The following CNBD1 variants were observed in gnomAD, a reference collection of about 807,000 sequenced individuals.
CNBD1 encodes the protein cyclic nucleotide-binding domain-containing protein 1.
Under a neutral mutation model 54.4 loss-of-function variants are expected in CNBD1, and 71 were observed. The ratio of observed to expected loss-of-function variants is 1.30; its 90% confidence interval spans 1.08 to 1.59. The LOEUF (loss-of-function observed/expected upper bound fraction) is 1.59. Among genes scored for constraint, CNBD1 ranks in the 40% most tolerant of loss-of-function variants. The pLI is 0.00. For synonymous variants in CNBD1, 182 were observed against 170.7 expected, an observed-to-expected ratio of 1.07 and a Z score of -0.51; for missense variants, 659 against 518.0, an observed-to-expected ratio of 1.27 and a Z score of -2.64.
chr8:87,281,246 G>T (rs1188683627), intron 6 of CNBD1, among the ~76,000 whole-genome samples: 2 of 151,294 alleles, frequency 1.3e-5, no homozygotes, highest in African/African-American at 2.4e-5. Context: ...TTTAATAAGT[G>T]TCTAAAATTT....
intron 6 of CNBD1, among the ~76,000 whole-genome samples, chr8:87,237,561 T>C (rs1219008618): frequency 3.3e-5 from 5 of 152,166 alleles, no homozygotes; most frequent in Non-Finnish European, 7.4e-5. Flanking sequence ...CAGAAATTCT[T>C]AATTGAGGAA....
At chr8:87,262,031 G>C (rs1368691094) in intron 6 of CNBD1, among the ~76,000 whole-genome samples, 1 of 151,708 alleles carries the variant, frequency 6.6e-6, no homozygotes, top group African/African-American at 2.4e-5. Flanking sequence ...GTGCATGCCT[G>C]TAGTCCCAGC....
chr8:87,371,121 G>A, intron 10 of CNBD1, among the ~76,000 whole-genome samples: 1 of 151,754 alleles, frequency 6.6e-6, no homozygotes, highest in Middle Eastern at 3.4e-3. Context: ...TGCTGTTTTG[G>A]TTACTGTAGC....
chr8:86,878,986 G>A (rs1007811963), intron 1 of CNBD1, among the ~76,000 whole-genome samples: 3 of 152,112 alleles, frequency 2.0e-5, no homozygotes, highest in Admixed American at 6.6e-5. Context: ...AAATGACATT[G>A]ACTTGATGTT....
intron 4 of CNBD1, among the ~76,000 whole-genome samples, chr8:87,053,021 A>T (rs1338537959): frequency 8.4e-6 from 1 of 118,364 alleles, no homozygotes; most frequent in African/African-American, 3.3e-5. Context: ...GGGGCCCAAG[A>T]TAAGGGGTGG....
intron 8 of CNBD1, among the ~76,000 whole-genome samples, chr8:87,327,094 G>T (rs1274836731): frequency 2.0e-5 from 3 of 147,504 alleles, no homozygotes; most frequent in Non-Finnish European, 4.5e-5. Context: ...CTGCTGGGGG[G>T]TGCCTCCCAG....
chr8:87,029,173 C>T (rs1015657641), intron 4 of CNBD1, among the ~76,000 whole-genome samples: 1 of 152,144 alleles, frequency 6.6e-6, no homozygotes, highest in African/African-American at 2.4e-5. Flanking sequence ...GTTTCTACTC[C>T]AATTCCTCAA....
In CNBD1 at chr8:87,417,787, T is replaced by C. The variant is rs1586090140; in HGVS notation, c.214-10759T>C. On this transcript the variant is annotated intron_variant, in intron 2 of 7. Coordinates refer to the CNBD1 transcript ENST00000521593. ...TAATTTGTATTTAAATCATACTGTA[T>C]ACTTAGTATCAATATTAGTATCAAT... Among the ~76,000 whole-genome samples, 3 of 151,902 alleles carry C rather than the reference T, an allele frequency of 2.0e-5. No individual in the cohort carries two copies. In the South Asian group the frequency reaches 6.2e-4, roughly 31 times the overall value.
At chr8:87,147,244 A>G (rs1454320596) in intron 4 of CNBD1, among the ~76,000 whole-genome samples, 3 of 152,066 alleles carry the variant, frequency 2.0e-5, no homozygotes, top group African/African-American at 7.2e-5. Flanking sequence ...ATCTCTGTAT[A>G]TCTCTCTATC....
intron 8 of CNBD1, among the ~76,000 whole-genome samples, chr8:87,348,648 A>G (rs1810221677): frequency 6.6e-6 from 1 of 152,156 alleles, no homozygotes; most frequent in African/African-American, 2.4e-5. Flanking sequence ...GGTATGTTAG[A>G]CTAGTAGGCT....
intron 4 of CNBD1, among the ~76,000 whole-genome samples, chr8:86,955,071 A>C (rs1197412710): frequency 6.8e-6 from 1 of 147,962 alleles, no homozygotes. Flanking sequence ...CCGATGAGTG[A>C]GAACATGCGG....
At chr8:86,938,143 C>G (rs553825647) in intron 3 of CNBD1, among the ~76,000 whole-genome samples, 2 of 152,276 alleles carry the variant, frequency 1.3e-5, no homozygotes, top group East Asian at 3.9e-4. Flanking sequence ...AAAATGCTGC[C>G]AGTCTCTGCT....
At chr8:87,361,799 G>A (rs1247742010) in intron 10 of CNBD1, among the ~76,000 whole-genome samples, 1 of 151,046 alleles carries the variant, frequency 6.6e-6, no homozygotes, top group Non-Finnish European at 1.5e-5. Flanking sequence ...AAATAGATGG[G>A]GGGGTAGAAT....
In CNBD1 at chr8:87,332,455, A is replaced by G. The variant is rs191048868; in HGVS notation, c.1043-19230A>G. ...CGATTTCATAATAAAAGATTTACCC[A>G]TGCCTATTTCCTGAATGGTATTGCC... On this transcript the variant is annotated intron_variant, in intron 8 of 10. Transcript: ENST00000518476. 2.0e-5 allele frequency among the ~76,000 whole-genome samples: 3 copies of G among 152,108 alleles called. No homozygotes were observed. The East Asian group carries it at 5.8e-4, about 29-fold the overall frequency.
chr8:86,975,643 A>T (rs1232985322), intron 4 of CNBD1, among the ~76,000 whole-genome samples: 1 of 151,980 alleles, frequency 6.6e-6, no homozygotes, highest in African/African-American at 2.4e-5. Flanking sequence ...TGAGCACTTC[A>T]GTTGTTTCTA....
chr8:87,222,065 A>G (rs764714859), intron 5 of CNBD1, among the ~76,000 whole-genome samples: 7 of 152,132 alleles, frequency 4.6e-5, no homozygotes, highest in Non-Finnish European at 7.4e-5. Context: ...GCAATCATTT[A>G]GACCTTATAA....
At chr8:86,979,597 T>A (rs1020057859) in intron 4 of CNBD1, among the ~76,000 whole-genome samples, 4 of 151,676 alleles carry the variant, frequency 2.6e-5, no homozygotes, top group Non-Finnish European at 4.4e-5. Context: ...ATAAAAAAAA[T>A]TAAAATTCAC....
intron 4 of CNBD1, among the ~76,000 whole-genome samples, chr8:87,045,824 G>T (rs1810174264): frequency 6.6e-6 from 1 of 150,964 alleles, no homozygotes; most frequent in Non-Finnish European, 1.5e-5. Context: ...GGCAGATCAC[G>T]AGGTCAGGAC....
intron 8 of CNBD1, among the ~76,000 whole-genome samples, chr8:87,337,127 G>A (rs1017176382): frequency 2.6e-4 from 40 of 152,226 alleles, no homozygotes; most frequent in African/African-American, 9.4e-4. Flanking sequence ...CAGTAGGAAT[G>A]CTTCTGTATA....
Sources: gnomAD v4.1 joint callset for allele counts (sites outside exome capture counted in the v4.1 genomes callset) on GRCh38, gnomAD v4.1.1 for gene constraint, MANE v1.5 for transcripts, NCBI Gene and HGNC (gene_info 2026-07-23, HGNC 2026-07-21) for gene names.